FSTL4: variants seen among roughly 807,000 people sequenced by gnomAD.
FSTL4 encodes follistatin-related protein 4.
FSTL4 carries 28 observed loss-of-function variants against 78.2 expected under a neutral mutation model. That is an observed-to-expected ratio of 0.36 (90% CI 0.27 to 0.49). The LOEUF (loss-of-function observed/expected upper bound fraction) is 0.49, where lower values mean the gene tolerates loss of function less well. FSTL4 is among the 20% of genes least tolerant of loss of function. The pLI, the probability that FSTL4 is intolerant of heterozygous loss-of-function variation, is 0.98. For synonymous variants in FSTL4, 422 were observed against 440.5 expected (o/e 0.96, Z 0.53); for missense variants, 922 against 1,084.9 (o/e 0.85, Z 2.11).
chr5:133,637,647 C>T, the FSTL4 span, among the ~76,000 whole-genome samples: 168 of 152,128 alleles, frequency 1.1e-3, no homozygotes, highest in Non-Finnish European at 1.9e-3. Context: ...CTCCTTATGT[C>T]TCTTCCATCT....
At chr5:133,685,543 C>G in the FSTL4 span, among the ~76,000 whole-genome samples, 5 of 152,348 alleles carry the variant, frequency 3.3e-5, no homozygotes, top group Non-Finnish European at 7.3e-5. Flanking sequence ...TGAAGTGCTG[C>G]ATTCATGTGA....
intron 4 of FSTL4, among the ~76,000 whole-genome samples, chr5:133,342,744 TG>T (rs1246515698): frequency 6.6e-6 from 1 of 151,942 alleles, no homozygotes; most frequent in African/African-American, 2.4e-5. Flanking sequence ...TGAGAAAACT[TG>T]GGAAAAAGAA....
chr5:133,698,530 T>C, the FSTL4 span, among the ~76,000 whole-genome samples: 2 of 152,384 alleles, frequency 1.3e-5, no homozygotes, highest in Middle Eastern at 3.4e-3. Context: ...GACTATTACA[T>C]GCGATAATGC....
chr5:133,657,766 GT>G, the FSTL4 span, among the ~76,000 whole-genome samples: 7 of 85,944 alleles, frequency 8.1e-5, no homozygotes, highest in East Asian at 3.9e-4. Context: ...ACTGTTTTTT[GT>G]TTTTTTTGTT....
chr5:133,383,256 GA>G (rs766411608), intron 4 of FSTL4, among the ~76,000 whole-genome samples: 2 of 152,160 alleles, frequency 1.3e-5, no homozygotes, highest in Non-Finnish European at 2.9e-5. Flanking sequence ...GGTACCATCT[GA>G]AGGGGTGGGG....
At chr5:133,601,602 A>G (rs535655443) in intron 2 of FSTL4, among the ~76,000 whole-genome samples, 1 of 152,146 alleles carries the variant, frequency 6.6e-6, no homozygotes, top group African/African-American at 2.4e-5. Flanking sequence ...AGTGTGAGCA[A>G]GGGCTGCAAA....
At chr5:133,408,677 T>G (rs1313073819) in intron 3 of FSTL4, among the ~76,000 whole-genome samples, 1 of 152,204 alleles carries the variant, frequency 6.6e-6, no homozygotes, top group Non-Finnish European at 1.5e-5. Flanking sequence ...CAGTAAAACC[T>G]TGGCCTCCAC....
At chr5:133,392,000 T>C (rs153197) in intron 4 of FSTL4, among the ~76,000 whole-genome samples, 140,029 of 152,256 alleles carry the variant, frequency 0.92, 64,852 homozygotes, top group Non-Finnish European at 0.97. Context: ...TAGTATCTGA[T>C]GCATAGTACA....
intron 1 of FSTL4, among the ~76,000 whole-genome samples, chr5:133,610,113 A>T (rs1203326926): frequency 1.3e-5 from 2 of 152,234 alleles, no homozygotes; most frequent in African/African-American, 4.8e-5. Context: ...GGTCACATTT[A>T]AAAAGTCCTA....
At chr5:133,511,191 C>T (rs1758724489) in intron 3 of FSTL4, among the ~76,000 whole-genome samples, 1 of 152,194 alleles carries the variant, frequency 6.6e-6, no homozygotes, top group South Asian at 2.1e-4. Context: ...GCTGGCATCT[C>T]TCTGTGGCAC....
the FSTL4 span, among the ~76,000 whole-genome samples, chr5:133,744,816 T>G: frequency 6.6e-6 from 1 of 152,194 alleles, no homozygotes; most frequent in South Asian, 2.1e-4. Context: ...TTTTAAAGAT[T>G]CCACTTGGGT....
chr5:133,502,695 T>C (rs987650682), intron 3 of FSTL4, among the ~76,000 whole-genome samples: 3 of 152,178 alleles, frequency 2.0e-5, no homozygotes, highest in Non-Finnish European at 4.4e-5. Flanking sequence ...ACGTGCCTGC[T>C]TTTCCTATGC....
intron 3 of FSTL4, among the ~76,000 whole-genome samples, chr5:133,496,821 G>A (rs373784113): frequency 6.6e-6 from 1 of 152,198 alleles, no homozygotes; most frequent in African/African-American, 2.4e-5. Context: ...CCAAGCCATC[G>A]TAAGCCACTG....
intron 6 of FSTL4, among the ~76,000 whole-genome samples, chr5:133,300,901 G>A (rs1035686301): frequency 2.0e-5 from 3 of 152,126 alleles, no homozygotes; most frequent in Non-Finnish European, 4.4e-5. Flanking sequence ...CTCGGGCCCC[G>A]CTTTCTCTGT....
chr5:133,466,541 CAAAA>C (rs775476593), intron 3 of FSTL4, among the ~76,000 whole-genome samples: 1 of 113,236 alleles, frequency 8.8e-6, no homozygotes. Context: ...GACTCTGTCT[CAAAA>C]AAAAAAAAAA....
chr5:133,639,896 C>G, the FSTL4 span, among the ~76,000 whole-genome samples: 1 of 152,164 alleles, frequency 6.6e-6, no homozygotes, highest in Non-Finnish European at 1.5e-5. Flanking sequence ...GAGACAGGGA[C>G]AATCTCCAGG....
the FSTL4 span, among the ~76,000 whole-genome samples, chr5:133,770,046 T>C: frequency 6.6e-6 from 1 of 152,122 alleles, no homozygotes; most frequent in Non-Finnish European, 1.5e-5. Flanking sequence ...TTCTTTTTGA[T>C]GGCTGAGTAG....
rs373372703 is a variant in FSTL4, at chr5:133,483,666, G to A, written c.161-82680C>T. On this transcript the variant is annotated intron_variant, in intron 3 of 15. Coordinates refer to ENST00000265342, the MANE Select transcript of FSTL4 (RefSeq NM_015082.2). Reference sequence around the variant, plus strand: ...CTTTTGGTGCTTCGGAGCTTCTCATGATAAGTCTTTGTGTTTCAGTAAGGC... The same window carrying A: ...CTTTTGGTGCTTCGGAGCTTCTCATAATAAGTCTTTGTGTTTCAGTAAGGC... 2.0e-4 allele frequency among the ~76,000 whole-genome samples: 30 copies of A among 152,344 alleles called. No homozygotes were observed. The East Asian group carries it at 2.5e-3, about 13-fold the overall frequency.
chr5:133,507,708 A>G, intron 3 of FSTL4, among the ~76,000 whole-genome samples: 1 of 151,722 alleles, frequency 6.6e-6, no homozygotes. Flanking sequence ...TTTTTAGTAG[A>G]GATGGGGTTT....
Sources: allele counts gnomAD v4.1 joint callset (sites outside exome capture counted in the v4.1 genomes callset), GRCh38; gene constraint gnomAD v4.1.1; transcripts MANE v1.5; gene names NCBI Gene and HGNC (gene_info 2026-07-23, HGNC 2026-07-21).